BMP2K: variants seen among roughly 807,000 people sequenced by gnomAD.
BMP2K encodes the protein BMP2 inducible kinase.
BMP2K carries 74 observed loss-of-function variants against 116.0 expected under a neutral mutation model. That is an observed-to-expected ratio of 0.64 (90% CI 0.53 to 0.77). BMP2K has a LOEUF of 0.77. BMP2K is among the 30% of genes least tolerant of loss of function. BMP2K has a pLI of 0.00. For synonymous variants in BMP2K, 486 were observed against 502.5 expected, an observed-to-expected ratio of 0.97 and a Z score of 0.44; for missense variants, 1,365 against 1,403.6, an observed-to-expected ratio of 0.97 and a Z score of 0.44.
intron 9 of BMP2K, among the ~76,000 whole-genome samples, chr4:78,864,404 TATATCGGTGTATATATATATGTA>T (rs1430059690): frequency 1.3e-5 from 2 of 151,680 alleles, no homozygotes; most frequent in East Asian, 3.9e-4. Flanking sequence ...CACCGATATA[TATATCGGTGTATATATATATGTA>T]ATATCTGTAT....
chr4:78,853,522 A>T (rs1731355951), intron 7 of BMP2K, among the ~76,000 whole-genome samples: 1 of 152,202 alleles, frequency 6.6e-6, no homozygotes, highest in Admixed American at 6.6e-5. Flanking sequence ...TTAGAGGAGA[A>T]TGAGAAACAT....
chr4:78,818,068 G>A (rs1039303862), intron 1 of BMP2K, among the ~76,000 whole-genome samples: 1 of 152,102 alleles, frequency 6.6e-6, no homozygotes, highest in Non-Finnish European at 1.5e-5. Flanking sequence ...TTGAATTGCT[G>A]TTCCATTAGG....
chr4:78,811,982 G>GT (rs1391728013), intron 1 of BMP2K, among the ~76,000 whole-genome samples: 1 of 149,908 alleles, frequency 6.7e-6, no homozygotes, highest in Non-Finnish European at 1.5e-5. Context: ...TTTTTTTTTT[G>GT]TTTTTTTAAA....
chr4:78,870,854 C>T lies in BMP2K; in HGVS notation c.1303C>T (p.His435Tyr), dbSNP rs776924252. Residue 435 changes from histidine to tyrosine, a missense_variant, in exon 11 of 16, where the codon CAT becomes TAT. By Grantham distance (83) the His-to-Tyr change is moderately conservative. This residue lies in a region of BMP2K where 762 missense variants were observed against 756.7 expected (regional missense o/e 1.01). Coordinates refer to ENST00000502613, the MANE Select transcript of BMP2K (RefSeq NM_198892.2). ...QGPPQQPPQQ[H>Y]RVLQQLQQGD... ...ACCTCCTCAGCAGCCGCCACAGCAGCATAGAGTACTCCAGCAACTACAGCA... is the reference window on the plus strand; with the variant it reads ...ACCTCCTCAGCAGCCGCCACAGCAGTATAGAGTACTCCAGCAACTACAGCA... 6.2e-7 allele frequency: 1 copy of T among 1,614,102 alleles called. No homozygotes were observed. Among genetic ancestry groups the T allele is most frequent in the Non-Finnish European group, 8.5e-7 (1 of 1,180,034 alleles).
intron 6 of BMP2K, 138 bp from the exon 7 acceptor site, chr4:78,850,784 TAA>T: frequency 2.8e-6 from 2 of 715,520 alleles, no homozygotes; most frequent in Non-Finnish European, 4.1e-6. Flanking sequence ...TTAAATATAT[TAA>T]TTTTTTTAAG....
chr4:78,812,642 T>C (rs1224352467), intron 1 of BMP2K, among the ~76,000 whole-genome samples: 2 of 152,228 alleles, frequency 1.3e-5, no homozygotes, highest in African/African-American at 2.4e-5. Context: ...GTTGTTTTCA[T>C]GTAATGCAAC....
chr4:78,892,873 T>G (rs1733516227), intron 15 of BMP2K, among the ~76,000 whole-genome samples: 1 of 152,228 alleles, frequency 6.6e-6, no homozygotes, highest in African/African-American at 2.4e-5. Flanking sequence ...CAGCTGGTTG[T>G]AATCTTTTTG....
chr4:78,803,219 A>G (rs1728657855), intron 1 of BMP2K, among the ~76,000 whole-genome samples: 2 of 152,078 alleles, frequency 1.3e-5, no homozygotes, highest in South Asian at 2.1e-4. Context: ...ACATTCCTTT[A>G]TATTTTATAT....
chr4:78,880,651 CAT>C (rs1732849070), intron 14 of BMP2K, among the ~76,000 whole-genome samples: 1 of 152,110 alleles, frequency 6.6e-6, no homozygotes, highest in South Asian at 2.1e-4. Flanking sequence ...GCAAGAGTGA[CAT>C]ATGAATATGC....
chr4:78,853,343 C>A (rs1731348114), intron 7 of BMP2K, among the ~76,000 whole-genome samples: 1 of 152,078 alleles, frequency 6.6e-6, no homozygotes, highest in South Asian at 2.1e-4. Flanking sequence ...CTATTAATTT[C>A]TTCTTTCTTT....
intron 15 of BMP2K, among the ~76,000 whole-genome samples, chr4:78,891,739 C>G (rs1733451528): frequency 6.6e-6 from 1 of 152,154 alleles, no homozygotes; most frequent in Non-Finnish European, 1.5e-5. Flanking sequence ...ATCTTTCACT[C>G]TAAGAGTTTC....
intron 2 of BMP2K, among the ~76,000 whole-genome samples, chr4:78,828,857 G>T (rs796246720): frequency 5.3e-5 from 8 of 152,362 alleles, no homozygotes; most frequent in African/African-American, 1.2e-4. Flanking sequence ...TTGCTTTGAT[G>T]TTGAAGGCTG....
chr4:78,883,938 C>G (rs1228573253), intron 14 of BMP2K, among the ~76,000 whole-genome samples: 1 of 152,042 alleles, frequency 6.6e-6, no homozygotes, highest in Non-Finnish European at 1.5e-5. Context: ...TATGGTGTGC[C>G]TGTAGTCCCA....
rs201805848 is a variant in BMP2K, at chr4:78,844,317, A to AT, written c.547-610dup. ...TAGTAGGAGATTGGGCTCTGAACCC[A>AT]TATTTTACTGTTCAAGAAACTGACT... On this transcript the variant is annotated intron_variant, in intron 4 of 15. Coordinates refer to ENST00000502613, the MANE Select transcript of BMP2K (RefSeq NM_198892.2). 6.2e-3 allele frequency among the ~76,000 whole-genome samples: 939 copies of AT among 151,898 alleles called. 24 individuals carry two copies. The highest frequency in any genetic ancestry group is 0.047 in the Admixed American group (710 of 15,206).
chr4:78,886,985 T>C, intron 14 of BMP2K, 189 bp from the exon 15 acceptor site: 1 of 487,958 alleles, frequency 2.0e-6, no homozygotes, highest in Non-Finnish European at 3.6e-6. Context: ...AATTTGCTTT[T>C]GCAGCAACAA....
intron 2 of BMP2K, among the ~76,000 whole-genome samples, chr4:78,829,782 T>TCTC (rs1560518659): frequency 3.9e-4 from 25 of 64,564 alleles, no homozygotes; most frequent in African/African-American, 1.5e-3. Flanking sequence ...TTTCTTTTCT[T>TCTC]TTCTTTTCTC....
chr4:78,861,486 GA>G lies in BMP2K; in HGVS notation c.1067+21del, dbSNP rs1731787624. On this transcript the variant is annotated intron_variant, in intron 9 of 15. Coordinates refer to ENST00000502613, the MANE Select transcript of BMP2K (RefSeq NM_198892.2). ...AAAGCCAGGTAGGCAAAACTATGCT[GA>G]AATTGAAAAGGCATTAAAAAAAATG... The G allele has an allele frequency of 6.3e-7, 1 of 1,584,984 alleles. No individual in the cohort carries two copies. The highest frequency in any genetic ancestry group is 8.6e-7 in the Non-Finnish European group (1 of 1,158,842).
rs183380694 is a variant in BMP2K at position 78,893,143 on chromosome 4, T to C, written c.2062+5859T>C. 6.6e-5 allele frequency among the ~76,000 whole-genome samples: 10 copies of C among 152,366 alleles called. No homozygotes were observed. The East Asian group carries it at 1.7e-3, about 26-fold the overall frequency. ...CTTTATGAATTATGTTTATGTAATATTCTAAATTCTTGGAGTCATTTCAGC... is the reference window on the plus strand; with the variant it reads ...CTTTATGAATTATGTTTATGTAATACTCTAAATTCTTGGAGTCATTTCAGC... On this transcript the variant is annotated intron_variant, in intron 15 of 15. Transcript: ENST00000502613.
chr4:78,798,335 C>T (rs910542676), intron 1 of BMP2K, among the ~76,000 whole-genome samples: 1 of 152,118 alleles, frequency 6.6e-6, no homozygotes, highest in Non-Finnish European at 1.5e-5. Context: ...GAGATACCTG[C>T]TGGATGCCTG....
Sources: gnomAD v4.1 joint callset for allele counts (sites outside exome capture counted in the v4.1 genomes callset) on GRCh38, gnomAD v4.1.1 for gene constraint, gnomAD v4.1.1 regional missense constraint, MANE v1.5 for transcripts, NCBI Gene and HGNC (gene_info 2026-07-23, HGNC 2026-07-21) for gene names.